The following VWDE variants were observed in gnomAD, a reference collection of about 807,000 sequenced individuals.
VWDE encodes von Willebrand factor D and EGF domain-containing protein.
Under a neutral mutation model 178.4 loss-of-function variants are expected in VWDE, and 207 were observed. That is an observed-to-expected ratio of 1.16 (90% CI 1.04 to 1.30). The LOEUF is 1.30. VWDE is among the 50% of genes most tolerant of loss of function. The pLI is 0.00. For synonymous variants in VWDE, 738 were observed against 651.4 expected (o/e 1.13, Z -2.02); for missense variants, 2,287 against 1,901.3 (o/e 1.20, Z -3.77).
At chr7:12,349,840 G>C (rs996049302) in intron 19 of VWDE, among the ~76,000 whole-genome samples, 3 of 152,050 alleles carry the variant, frequency 2.0e-5, no homozygotes, top group South Asian at 2.1e-4. Context: ...AAGTAAAATA[G>C]CTATACATAA....
chr7:12,376,025 TTCTA>T (rs760267667), intron 7 of VWDE, among the ~76,000 whole-genome samples: 2 of 152,114 alleles, frequency 1.3e-5, no homozygotes, highest in Non-Finnish European at 2.9e-5. Context: ...TTAAAAAATG[TTCTA>T]TCTTCTTTTC....
At chr7:12,399,794 C>T (rs886204027) in intron 1 of VWDE, among the ~76,000 whole-genome samples, 1 of 151,724 alleles carries the variant, frequency 6.6e-6, no homozygotes, top group African/African-American at 2.4e-5. Flanking sequence ...CCAGCCTAGG[C>T]AACATAGTAA....
At chr7:12,360,473 A>G (rs927831457) in intron 15 of VWDE, among the ~76,000 whole-genome samples, 1 of 152,188 alleles carries the variant, frequency 6.6e-6, no homozygotes, top group African/African-American at 2.4e-5. Context: ...TGATCTGATG[A>G]CTAATCTCAA....
chr7:12,391,984 G>A (rs1433449423), intron 2 of VWDE, among the ~76,000 whole-genome samples: 1 of 152,138 alleles, frequency 6.6e-6, no homozygotes, highest in Non-Finnish European at 1.5e-5. Flanking sequence ...TGATGAACAC[G>A]TTAGTAATTT....
In VWDE at chr7:12,336,208, AC is replaced by A; in HGVS notation, c.4586del (p.Gly1529ValfsTer59). ...ATATGCTGGGCGCAATGCATTCACC[AC>A]CGTTTTTACATTTCTGCAAGCAGAT... The part of the protein sequence containing the change: ...TPICLQKCKN[G>X]GECIAPSICH... On this transcript the variant is annotated frameshift_variant, in exon 27 of 29. Transcript: ENST00000275358. LOFTEE classifies it high-confidence loss of function. 1 of 1,551,228 alleles carries A rather than the reference AC, an allele frequency of 6.4e-7. No individual in the cohort carries two copies. Among genetic ancestry groups the A allele is most frequent in the Non-Finnish European group, 8.7e-7 (1 of 1,146,844 alleles).
At position 12,357,533 on chromosome 7, in the gene VWDE, C is replaced by T. The variant is rs772731023; in HGVS notation, c.3275-18G>A. The T allele has an allele frequency of 9.9e-5, 154 of 1,551,254 alleles. No individual in the cohort carries two copies. Among genetic ancestry groups the T allele is most frequent in the Non-Finnish European group, 1.3e-4 (150 of 1,146,708 alleles). ...CTGGTTGTCTGTAATAGAGAAAACA[C>T]TTAACTTTATACCCGTGTAGAAAAA... On this transcript the variant is annotated intron_variant, in intron 16 of 28. Coordinates refer to ENST00000275358, the MANE Select transcript of VWDE (RefSeq NM_001135924.3).
chr7:12,371,592 TC>T (rs1783202050), intron 10 of VWDE, among the ~76,000 whole-genome samples: 1 of 152,162 alleles, frequency 6.6e-6, no homozygotes, highest in African/African-American at 2.4e-5. Context: ...TAAAAATAAC[TC>T]TTTTTTTCTC....
At chr7:12,358,721 C>T (rs1782412586) in intron 16 of VWDE, among the ~76,000 whole-genome samples, 1 of 152,146 alleles carries the variant, frequency 6.6e-6, no homozygotes, top group Non-Finnish European at 1.5e-5. Context: ...ACTTTGAACA[C>T]TATGAGACTA....
At chr7:12,384,306 T>C (rs552611580) in intron 3 of VWDE, among the ~76,000 whole-genome samples, 23 of 152,070 alleles carry the variant, frequency 1.5e-4, no homozygotes, top group African/African-American at 4.6e-4. Flanking sequence ...AACAACACTA[T>C]GGAGACAGTA....
intron 19 of VWDE, among the ~76,000 whole-genome samples, chr7:12,347,837 C>A (rs1463526975): frequency 6.6e-6 from 1 of 152,028 alleles, no homozygotes; most frequent in African/African-American, 2.4e-5. Flanking sequence ...TACAAGGCTA[C>A]AGTAACCAAA....
rs752179656 is a variant in VWDE at position 12,380,566 on chromosome 7, C to G, written c.709G>C (p.Glu237Gln). 86 of 1,552,016 alleles carry G rather than the reference C, an allele frequency of 5.5e-5. No individual in the cohort carries two copies. The South Asian group carries it at 9.9e-4, about 18-fold the overall frequency. The change falls in exon 5 of 29, where the codon GAG becomes CAG. Residue 237 changes from glutamate (E) to glutamine (Q), a missense_variant. Glu to Gln is a conservative substitution (Grantham distance 29, BLOSUM62 2). Coordinates refer to ENST00000275358, the MANE Select transcript of VWDE (RefSeq NM_001135924.3). ...ACTGTGGTCTCTTGTGTCAGCTCCTCTTTGACTTCTTGAGAAGAAAGCCTA... is the reference window on the plus strand; with the variant it reads ...ACTGTGGTCTCTTGTGTCAGCTCCTGTTTGACTTCTTGAGAAGAAAGCCTA... ...WSRLSSQEVK[E>Q]ELTQETTVQA...
chr7:12,403,561 GGGACGCTCCCCAA>G (rs1467517545), intron 1 of VWDE, 85 bp downstream of exon 1: 1 of 1,206,440 alleles, frequency 8.3e-7, no homozygotes, highest in Non-Finnish European at 1.1e-6. Context: ...AAAACGCACA[GGGACGCTCCCCAA>G]GTCGTCCAAA....
chr7:12,387,360 C>G (rs1583343983), intron 3 of VWDE, among the ~76,000 whole-genome samples: 1 of 151,802 alleles, frequency 6.6e-6, no homozygotes, highest in African/African-American at 2.4e-5. Context: ...ACAGACTCAG[C>G]AAAAAATTAA....
chr7:12,378,779 CTTTA>C (rs1783677545), intron 6 of VWDE, among the ~76,000 whole-genome samples: 1 of 152,182 alleles, frequency 6.6e-6, no homozygotes, highest in African/African-American at 2.4e-5. Context: ...TGTACATGGA[CTTTA>C]TTCATAAACA....
chr7:12,397,966 T>C lies in VWDE; in HGVS notation c.59-4188A>G, dbSNP rs111548187. 5.3e-5 allele frequency among the ~76,000 whole-genome samples: 8 copies of C among 152,286 alleles called. 1 individual carries two copies. Among genetic ancestry groups the C allele is most frequent in the African/African-American group, 1.9e-4 (8 of 41,558 alleles). ...AACATTTATACACTGTTGGTGGGAATGTAAATTAAATCAGTCACTATGAAA... is the reference window on the plus strand; with the variant it reads ...AACATTTATACACTGTTGGTGGGAACGTAAATTAAATCAGTCACTATGAAA... On this transcript the variant is annotated intron_variant, in intron 1 of 28. Transcript: ENST00000275358.
chr7:12,365,107 T>G (rs147239111), intron 13 of VWDE, among the ~76,000 whole-genome samples: 2 of 152,000 alleles, frequency 1.3e-5, no homozygotes, highest in Non-Finnish European at 2.9e-5. Context: ...GTGCAAAAGA[T>G]AAAGAAAGAT....
intron 1 of VWDE, among the ~76,000 whole-genome samples, chr7:12,394,220 G>A (rs1316498889): frequency 6.6e-6 from 1 of 152,128 alleles, no homozygotes; most frequent in Non-Finnish European, 1.5e-5. Flanking sequence ...CCAAATCATG[G>A]AATGCAACAA....
chr7:12,343,781 C>A (rs1781453124), intron 21 of VWDE, among the ~76,000 whole-genome samples: 1 of 152,226 alleles, frequency 6.6e-6, no homozygotes, highest in Admixed American at 6.5e-5. Context: ...TGTATTTTTA[C>A]AAATTCACTT....
chr7:12,374,700 T>C lies in VWDE; in HGVS notation c.1305A>G (p.Thr435=), dbSNP rs1179328748. 1.3e-6 allele frequency: 2 copies of C among 1,534,036 alleles called. No individual in the cohort carries two copies. The highest frequency in any genetic ancestry group is 1.8e-6 in the Non-Finnish European group (2 of 1,140,112). The change falls in exon 9 of 29, where the codon ACA becomes ACG. Residue 435 remains threonine (T), a synonymous_variant. Transcript: ENST00000275358. ...TTTCAGAAAATTACCTGCCATCAAA[T>C]GTAATTATATGTGGGTCAGTAAATG... ...CYTFTDPHII[T]FDGRVYDNFK...
Sources: allele counts gnomAD v4.1 joint callset (sites outside exome capture counted in the v4.1 genomes callset), GRCh38; gene constraint gnomAD v4.1.1; transcripts MANE v1.5; gene names NCBI Gene and HGNC (gene_info 2026-07-23, HGNC 2026-07-21).